Variants in KLHL14 observed in about 807,000 individuals in gnomAD.
The protein encoded by KLHL14 is kelch like family member 14.
In KLHL14, 22 loss-of-function variants were observed where a neutral mutation model predicts 64.3. The observed-to-expected ratio is 0.34, with a 90% CI of 0.24 to 0.49. The LOEUF is 0.49. Among genes scored for constraint, KLHL14 ranks in the 20% least tolerant of loss-of-function variants. KLHL14 has a pLI of 0.99. For synonymous variants in KLHL14, 322 were observed against 333.4 expected (o/e 0.97, Z 0.37); for missense variants, 661 against 789.0 (o/e 0.84, Z 1.94).
chr18:32,700,350 A>C (rs148888728), intron 3 of KLHL14, among the ~76,000 whole-genome samples: 6 of 152,308 alleles, frequency 3.9e-5, no homozygotes, highest in Non-Finnish European at 8.8e-5. Context: ...TTGAAAAAAT[A>C]ATTAATGCCC....
intron 3 of KLHL14, among the ~76,000 whole-genome samples, chr18:32,702,130 TTC>T (rs777191709): frequency 1.3e-4 from 20 of 152,178 alleles, no homozygotes; most frequent in Non-Finnish European, 2.9e-4. Context: ...ATTACATAAT[TTC>T]TGTTTTAAGG....
chr18:32,719,371 T>A (rs2050064114), intron 3 of KLHL14, among the ~76,000 whole-genome samples: 1 of 152,246 alleles, frequency 6.6e-6, no homozygotes, highest in South Asian at 2.1e-4. Context: ...GAACTTGAAG[T>A]ATACTGTGTC....
At chr18:32,698,222 C>T (rs991705614) in intron 3 of KLHL14, among the ~76,000 whole-genome samples, 1 of 152,014 alleles carries the variant, frequency 6.6e-6, no homozygotes, top group African/African-American at 2.4e-5. Flanking sequence ...TTTAAATAAC[C>T]ACAGATACAT....
intron 3 of KLHL14, among the ~76,000 whole-genome samples, chr18:32,726,161 C>T (rs575580721): frequency 2.0e-5 from 3 of 152,350 alleles, no homozygotes; most frequent in South Asian, 4.1e-4. Context: ...TACTGGAACA[C>T]AGCCATGCTT....
chr18:32,727,891 TTC>T (rs2050115514), intron 3 of KLHL14, among the ~76,000 whole-genome samples: 2 of 152,150 alleles, frequency 1.3e-5, no homozygotes, highest in Non-Finnish European at 2.9e-5. Context: ...TACACAGTTT[TTC>T]TCTCTTTAGA....
At chr18:32,771,127 C>A (rs755774434) in intron 1 of KLHL14, 1 of 199,506 alleles carries the variant, frequency 5.0e-6, no homozygotes, top group South Asian at 5.2e-5. Flanking sequence ...GTGCCCGAAG[C>A]TTTGCTTTTC....
chr18:32,760,355 C>CACACACACACATAT (rs1555666672), intron 2 of KLHL14, among the ~76,000 whole-genome samples: 4 of 151,784 alleles, frequency 2.6e-5, no homozygotes, highest in East Asian at 2.0e-4. Context: ...CACACACACA[C>CACACACACACATAT]ACACACATAT....
chr18:32,706,983 C>T (rs1315537554), intron 3 of KLHL14, among the ~76,000 whole-genome samples: 2 of 152,102 alleles, frequency 1.3e-5, no homozygotes, highest in African/African-American at 2.4e-5. Context: ...GGCAATGGTA[C>T]CTGGTACCTT....
At chr18:32,714,144 A>G (rs1372269810) in intron 3 of KLHL14, among the ~76,000 whole-genome samples, 4 of 152,128 alleles carry the variant, frequency 2.6e-5, no homozygotes, top group East Asian at 1.9e-4. Flanking sequence ...ACAAATTGCA[A>G]TTTACAAATG....
At chr18:32,701,128 G>T (rs16963709) in intron 3 of KLHL14, among the ~76,000 whole-genome samples, 2 of 152,032 alleles carry the variant, frequency 1.3e-5, no homozygotes, top group African/African-American at 2.4e-5. Flanking sequence ...CATTTGATGG[G>T]CATTCTATAA....
chr18:32,763,079 C>G (rs1288143627), intron 2 of KLHL14, among the ~76,000 whole-genome samples: 3 of 150,370 alleles, frequency 2.0e-5, no homozygotes, highest in Non-Finnish European at 4.4e-5. Flanking sequence ...CCAGGGAAAC[C>G]AACTTTTGGT....
chr18:32,757,247 G>A (rs1388251693), intron 2 of KLHL14, among the ~76,000 whole-genome samples: 1 of 152,248 alleles, frequency 6.6e-6, no homozygotes, highest in African/African-American at 2.4e-5. Flanking sequence ...ACTAAGAGTA[G>A]TAAAAGTAAT....
At chr18:32,707,633 A>G (rs888395552) in intron 3 of KLHL14, among the ~76,000 whole-genome samples, 14 of 152,198 alleles carry the variant, frequency 9.2e-5, no homozygotes, top group East Asian at 3.9e-4. Flanking sequence ...CCAGCCCCCA[A>G]TAAAACCCCT....
chr18:32,724,670 A>G (rs2050098161), intron 3 of KLHL14, among the ~76,000 whole-genome samples: 3 of 152,240 alleles, frequency 2.0e-5, no homozygotes, highest in Admixed American at 2.0e-4. Context: ...TGTCTTGTGT[A>G]TAGAAGTTCT....
At chr18:32,739,509 A>G (rs2050184025) in intron 3 of KLHL14, among the ~76,000 whole-genome samples, 1 of 152,134 alleles carries the variant, frequency 6.6e-6, no homozygotes, top group Non-Finnish European at 1.5e-5. Flanking sequence ...AATAAACTAT[A>G]TATTTTTAAG....
intron 3 of KLHL14, among the ~76,000 whole-genome samples, chr18:32,730,734 G>T (rs2050133144): frequency 6.6e-6 from 1 of 152,182 alleles, no homozygotes; most frequent in Non-Finnish European, 1.5e-5. Flanking sequence ...AGGGTTTTCT[G>T]AAAGTGCTTT....
chr18:32,771,045 G>A (rs897501089), intron 1 of KLHL14: 1 of 321,612 alleles, frequency 3.1e-6, no homozygotes, highest in South Asian at 2.1e-5. Context: ...GAAGGGAAAG[G>A]CCGGGAAGTG....
intron 3 of KLHL14, among the ~76,000 whole-genome samples, chr18:32,705,265 TAGA>T (rs1352800237): frequency 4.6e-5 from 7 of 152,346 alleles, no homozygotes; most frequent in African/African-American, 1.7e-4. Context: ...TTCAAATAGC[TAGA>T]AGGAGAATGT....
At chr18:32,714,599 C>T (rs929629572) in intron 3 of KLHL14, among the ~76,000 whole-genome samples, 1 of 152,172 alleles carries the variant, frequency 6.6e-6, no homozygotes, top group African/African-American at 2.4e-5. Context: ...ATGGCAACTA[C>T]TTCAGCGTTT....
Sources: gnomAD v4.1 joint callset for allele counts (sites outside exome capture counted in the v4.1 genomes callset) on GRCh38, gnomAD v4.1.1 for gene constraint, MANE v1.5 for transcripts, NCBI Gene and HGNC (gene_info 2026-07-23, HGNC 2026-07-21) for gene names.